Variants in NEIL3 observed in about 807,000 individuals in gnomAD.
NEIL3 encodes the protein nei like DNA glycosylase 3.
A neutral mutation model predicts 57.5 loss-of-function variants in NEIL3; 48 were observed. That is an observed-to-expected ratio of 0.83 (90% CI 0.66 to 1.06). The LOEUF is 1.06. NEIL3 is among the 50% of genes least tolerant of loss of function. The pLI, the probability that NEIL3 is intolerant of heterozygous loss-of-function variation, is 0.00. For missense variants in NEIL3, 717 were observed against 739.1 expected, an observed-to-expected ratio of 0.97 and a Z score of 0.35; for synonymous variants, 261 against 253.2, an observed-to-expected ratio of 1.03 and a Z score of -0.29.
intron 2 of NEIL3, 127 bp downstream of exon 2, chr4:177,322,707 A>G (rs1734710846): frequency 9.7e-6 from 10 of 1,025,928 alleles, no homozygotes; most frequent in African/African-American, 1.6e-5. Flanking sequence ...GAGCTCCAAT[A>G]TGAGAGGTTG....
intron 1 of NEIL3, among the ~76,000 whole-genome samples, chr4:177,315,068 C>CAAAA (rs61100906): frequency 1.9e-5 from 2 of 106,474 alleles, no homozygotes; most frequent in South Asian, 3.4e-4. Flanking sequence ...GACTCCGTCT[C>CAAAA]AAAAAAAAAA....
intron 6 of NEIL3, among the ~76,000 whole-genome samples, chr4:177,342,463 T>G (rs536219232): frequency 1.3e-5 from 2 of 152,014 alleles, no homozygotes; most frequent in Non-Finnish European, 2.9e-5. Context: ...TTATGTAGTA[T>G]AAAGCAGCTG....
At chr4:177,358,490 C>G (rs577069853) in intron 8 of NEIL3, among the ~76,000 whole-genome samples, 7 of 151,792 alleles carry the variant, frequency 4.6e-5, no homozygotes, top group African/African-American at 1.7e-4. Flanking sequence ...TATTTTTAGT[C>G]GAGACGGGGT....
At chr4:177,344,702 C>T (rs1339428869) in intron 6 of NEIL3, among the ~76,000 whole-genome samples, 1 of 152,022 alleles carries the variant, frequency 6.6e-6, no homozygotes, top group Non-Finnish European at 1.5e-5. Context: ...GCTGGGATTA[C>T]AGGTACCCAC....
At chr4:177,360,453 G>T in intron 8 of NEIL3, 50 bp from the exon 9 acceptor site, 4 of 1,356,712 alleles carry the variant, frequency 2.9e-6, no homozygotes, top group Non-Finnish European at 4.0e-6. Context: ...TGGTGTGAAT[G>T]GTCCCTTAGC....
intron 8 of NEIL3, among the ~76,000 whole-genome samples, chr4:177,358,931 C>T (rs1165618102): frequency 6.6e-6 from 1 of 152,150 alleles, no homozygotes; most frequent in Non-Finnish European, 1.5e-5. Context: ...TGTTAATATT[C>T]TTAATCTTTT....
Position 177,336,223 on chromosome 4 carries a change from C to G in NEIL3, c.529C>G (p.Leu177Val), listed in dbSNP as rs1734976198. ...SEVKKQKGRM[L>V]GDVLMDQNVL... ...AGTTAAAAAACAGAAAGGCCGGATG[C>G]TAGGTGATGTGCTAATGGATCAGAA... Residue 177 changes from leucine (L) to valine (V), a missense_variant, in exon 4 of 10, where the codon CTA (leucine) becomes GTA (valine). Physicochemically the swap from Leu to Val is conservative, Grantham distance 32 (BLOSUM62 1). Coordinates refer to ENST00000264596, the MANE Select transcript of NEIL3 (RefSeq NM_018248.3). 2 of 1,614,106 alleles carry G rather than the reference C, an allele frequency of 1.2e-6. No individual in the cohort carries two copies. Among genetic ancestry groups the G allele is most frequent in the Non-Finnish European group, 1.7e-6 (2 of 1,179,948 alleles).
At position 177,331,279 on chromosome 4, in the gene NEIL3, A is replaced by G. The variant is rs140638993; in HGVS notation, c.279-4409A>G. Among the ~76,000 whole-genome samples the G allele has an allele frequency of 2.7e-3, 405 of 151,966 alleles. 1 individual carries two copies. Among genetic ancestry groups the G allele is most frequent in the Middle Eastern group, 6.8e-3 (2 of 294 alleles). The stretch of plus-strand genomic sequence containing the variant: ...AGGTTTGGATAATTTCTATTAATCT[A>G]TATTCAGGTTCACTTATTCTTTCCT... On this transcript the variant is annotated intron_variant, in intron 2 of 9. Coordinates refer to ENST00000264596, the MANE Select transcript of NEIL3 (RefSeq NM_018248.3).
chr4:177,362,720 T>G lies in NEIL3; in HGVS notation c.*249T>G. ...TATTCCATTTAGGATGTGTATTTAA[T>G]GCATTTAGTAATGACGATAAAGTGT... On this transcript the variant is annotated 3_prime_UTR_variant, in exon 10 of 10. Transcript: ENST00000264596. The G allele has an allele frequency of 3.2e-6, 1 of 309,654 alleles. No homozygotes were observed. The highest frequency in any genetic ancestry group is 5.9e-6 in the Non-Finnish European group (1 of 169,168). 19.2% of individuals were successfully genotyped at this position (309,654 alleles called of 1,614,324 possible).
intron 1 of NEIL3, among the ~76,000 whole-genome samples, chr4:177,315,119 TG>T (rs1734551222): frequency 6.7e-6 from 1 of 148,628 alleles, no homozygotes; most frequent in South Asian, 2.2e-4. Context: ...GAAAAGTGTG[TG>T]AGGAAAAGAG....
At chr4:177,312,276 A>G (rs1328690868) in intron 1 of NEIL3, among the ~76,000 whole-genome samples, 1 of 152,130 alleles carries the variant, frequency 6.6e-6, no homozygotes, top group Non-Finnish European at 1.5e-5. Context: ...CCAGGGTTTG[A>G]TTTTTCTTTA....
At chr4:177,317,522 G>T (rs1397771983) in intron 1 of NEIL3, among the ~76,000 whole-genome samples, 1 of 151,286 alleles carries the variant, frequency 6.6e-6, no homozygotes, top group African/African-American at 2.4e-5. Flanking sequence ...GTAAACATAA[G>T]GTTTGAAGAA....
chr4:177,364,526 A>C (rs1735667293), downstream of NEIL3, among the ~76,000 whole-genome samples: 1 of 152,228 alleles, frequency 6.6e-6, no homozygotes, highest in African/African-American at 2.4e-5. Context: ...GGGAAATCTC[A>C]GAAAGGACAT....
intron 4 of NEIL3, among the ~76,000 whole-genome samples, chr4:177,337,912 G>T (rs1735008176): frequency 6.6e-6 from 1 of 152,176 alleles, no homozygotes; most frequent in Admixed American, 6.5e-5. Context: ...CCAGCTACTG[G>T]AGAGGCTGAG....
intron 1 of NEIL3, among the ~76,000 whole-genome samples, chr4:177,318,294 T>C (rs1010471979): frequency 8.5e-5 from 13 of 152,222 alleles, no homozygotes. Flanking sequence ...CCCTTACTTT[T>C]GTCAGTTTTT....
intron 1 of NEIL3, among the ~76,000 whole-genome samples, chr4:177,320,468 T>TG (rs551619306): frequency 6.4e-5 from 2 of 31,072 alleles, no homozygotes; most frequent in South Asian, 1.1e-3. Context: ...ACTGCTGTCT[T>TG]TTTTTTTTTT....
chr4:177,363,618 C>T (rs1560925046), downstream of NEIL3, among the ~76,000 whole-genome samples: 1 of 152,014 alleles, frequency 6.6e-6, no homozygotes, highest in Non-Finnish European at 1.5e-5. Flanking sequence ...AGGTCCACTG[C>T]AAAAAGGACT....
intron 1 of NEIL3, among the ~76,000 whole-genome samples, chr4:177,315,545 T>G (rs991757279): frequency 6.6e-6 from 1 of 152,202 alleles, no homozygotes; most frequent in Non-Finnish European, 1.5e-5. Context: ...ATAACAGGCT[T>G]ATGGAAATTA....
intron 5 of NEIL3, among the ~76,000 whole-genome samples, chr4:177,340,454 G>T (rs1218167780): frequency 6.6e-6 from 1 of 152,144 alleles, no homozygotes; most frequent in Non-Finnish European, 1.5e-5. Flanking sequence ...ATGCAAATAT[G>T]TATTTTCTTT....
Sources: gnomAD v4.1 joint callset for allele counts (sites outside exome capture counted in the v4.1 genomes callset) on GRCh38, gnomAD v4.1.1 for gene constraint, MANE v1.5 for transcripts, NCBI Gene and HGNC (gene_info 2026-07-23, HGNC 2026-07-21) for gene names.